The following ASCC3 variants were observed in gnomAD, a reference collection of about 807,000 sequenced individuals.
The protein encoded by ASCC3 is ASC-1 complex subunit P200.
A neutral mutation model predicts 256.3 loss-of-function variants in ASCC3; 158 were observed. The observed-to-expected ratio is 0.62, with a 90% CI of 0.54 to 0.70. ASCC3 has a LOEUF of 0.70. ASCC3 is among the 30% of genes least tolerant of loss of function. The pLI is 0.00. For missense variants in ASCC3, 2,259 were observed against 2,626.0 expected, an observed-to-expected ratio of 0.86 and a Z score of 3.05; for synonymous variants, 948 against 883.4, an observed-to-expected ratio of 1.07 and a Z score of -1.30.
At chr6:100,675,730 C>G (rs1776974363) in intron 14 of ASCC3, among the ~76,000 whole-genome samples, 1 of 152,106 alleles carries the variant, frequency 6.6e-6, no homozygotes, top group Non-Finnish European at 1.5e-5. Context: ...ATCTAAAAGA[C>G]AAACTCTTAA....
intron 30 of ASCC3, among the ~76,000 whole-genome samples, chr6:100,607,322 T>C (rs935377863): frequency 6.6e-6 from 1 of 151,894 alleles, no homozygotes; most frequent in African/African-American, 2.4e-5. Context: ...TTTTTATGCA[T>C]CAAGAAAAAA....
At chr6:100,745,857 CTT>C (rs1262150165) in intron 10 of ASCC3, among the ~76,000 whole-genome samples, 1 of 152,042 alleles carries the variant, frequency 6.6e-6, no homozygotes, top group African/African-American at 2.4e-5. Flanking sequence ...TGTGTCTAGT[CTT>C]TTTCTATCAA....
At chr6:100,854,734 A>G (rs1772855586) in intron 3 of ASCC3, among the ~76,000 whole-genome samples, 1 of 152,182 alleles carries the variant, frequency 6.6e-6, no homozygotes, top group African/African-American at 2.4e-5. Flanking sequence ...TAACTTCCCA[A>G]GCAACCAAAT....
intron 36 of ASCC3, among the ~76,000 whole-genome samples, chr6:100,546,611 C>T (rs576709848): frequency 9.9e-5 from 15 of 152,046 alleles, no homozygotes; most frequent in Non-Finnish European, 1.8e-4. Flanking sequence ...ATGCAACCAA[C>T]ATCATTTAGT....
At chr6:100,624,483 G>A (rs1049329765) in intron 30 of ASCC3, among the ~76,000 whole-genome samples, 45 of 151,868 alleles carry the variant, frequency 3.0e-4, no homozygotes, top group Admixed American at 2.5e-3. Context: ...AAATGAGGAT[G>A]TAGTAAAACT....
chr6:100,709,058 T>C (rs958519013), intron 13 of ASCC3, among the ~76,000 whole-genome samples: 11 of 151,904 alleles, frequency 7.2e-5, no homozygotes, highest in African/African-American at 2.7e-4. Context: ...ATCATAACCT[T>C]ACATAGCACT....
At chr6:100,858,933 T>A in intron 3 of ASCC3, 1 of 594,070 alleles carries the variant, frequency 1.7e-6, no homozygotes, top group Non-Finnish European at 3.0e-6. Flanking sequence ...TAACCTCTTT[T>A]AATCTACAAT....
intron 36 of ASCC3, among the ~76,000 whole-genome samples, chr6:100,562,355 A>G (rs1307282038): frequency 6.6e-6 from 1 of 152,146 alleles, no homozygotes; most frequent in Non-Finnish European, 1.5e-5. Context: ...GGCTTCTATC[A>G]TAAATATTTT....
intron 36 of ASCC3, among the ~76,000 whole-genome samples, chr6:100,578,502 A>G (rs543155478): frequency 3.7e-4 from 56 of 152,198 alleles, no homozygotes; most frequent in African/African-American, 1.3e-3. Flanking sequence ...CCCATTTATA[A>G]GTGAGAATAT....
intron 8 of ASCC3, among the ~76,000 whole-genome samples, chr6:100,774,843 A>C (rs1243523429): frequency 6.6e-6 from 1 of 152,158 alleles, no homozygotes; most frequent in African/African-American, 2.4e-5. Flanking sequence ...CATGTTTAAA[A>C]TTAGATTACA....
rs756992262 is a variant in ASCC3 at position 100,679,569 on chromosome 6, G to A, written c.2286+49C>T. The A allele has an allele frequency of 1.9e-6, 3 of 1,610,142 alleles. No homozygotes were observed. The East Asian group carries it at 6.7e-5, about 36-fold the overall frequency. Reference sequence around the variant, plus strand: ...GATCTTTCACATATAAAATACCCGGGATATGTGGCATGTTACATGCTTTAG... The same window carrying A: ...GATCTTTCACATATAAAATACCCGGAATATGTGGCATGTTACATGCTTTAG... On this transcript the variant is annotated intron_variant, in intron 14 of 41. Coordinates refer to ENST00000369162, the MANE Select transcript of ASCC3 (RefSeq NM_006828.4).
intron 34 of ASCC3, among the ~76,000 whole-genome samples, chr6:100,600,347 C>T (rs1772542057): frequency 6.6e-6 from 1 of 151,998 alleles, no homozygotes; most frequent in Non-Finnish European, 1.5e-5. Context: ...TCCATATATT[C>T]AATATCAAAC....
chr6:100,822,009 G>C (rs1402400426), intron 4 of ASCC3, among the ~76,000 whole-genome samples: 2 of 152,060 alleles, frequency 1.3e-5, no homozygotes, highest in Non-Finnish European at 2.9e-5. Context: ...AAGGGTGGAG[G>C]GGGTAGGGAG....
chr6:100,562,353 T>C (rs573971898), intron 36 of ASCC3, among the ~76,000 whole-genome samples: 40 of 152,258 alleles, frequency 2.6e-4, no homozygotes, highest in African/African-American at 6.7e-4. Context: ...TAGGCTTCTA[T>C]CATAAATATT....
intron 36 of ASCC3, among the ~76,000 whole-genome samples, chr6:100,568,368 GAA>G (rs775239213): frequency 0.019 from 2,345 of 126,332 alleles, 60 homozygotes; most frequent in African/African-American, 0.064. Flanking sequence ...ACTCTTGTCT[GAA>G]AAAAAAAAAA....
chr6:100,809,540 C>A lies in ASCC3; in HGVS notation c.802-3660G>T, dbSNP rs930044329. Among the ~76,000 whole-genome samples, 3 of 152,064 alleles carry A rather than the reference C, an allele frequency of 2.0e-5. No individual in the cohort carries two copies. In the East Asian group the frequency reaches 5.8e-4, roughly 29 times the overall value. On this transcript the variant is annotated intron_variant, in intron 4 of 41. Transcript: ENST00000369162. Reference sequence around the variant, plus strand: ...CGTCACTGACCAAAACATCCTTATGCAGCACATGACTGTACTTGAAGAGTT... The same window carrying A: ...CGTCACTGACCAAAACATCCTTATGAAGCACATGACTGTACTTGAAGAGTT...
At chr6:100,569,655 A>G (rs1167111530) in intron 36 of ASCC3, among the ~76,000 whole-genome samples, 1 of 152,098 alleles carries the variant, frequency 6.6e-6, no homozygotes, top group African/African-American at 2.4e-5. Flanking sequence ...AAATGCTGGG[A>G]TTACAGGCGT....
intron 4 of ASCC3, among the ~76,000 whole-genome samples, chr6:100,831,504 C>G (rs1239822419): frequency 6.6e-6 from 1 of 152,034 alleles, no homozygotes; most frequent in Non-Finnish European, 1.5e-5. Context: ...TGCTGGGTAA[C>G]CTAGATAAAA....
intron 37 of ASCC3, among the ~76,000 whole-genome samples, chr6:100,524,150 C>A (rs1329229070): frequency 6.6e-6 from 1 of 152,068 alleles, no homozygotes; most frequent in Non-Finnish European, 1.5e-5. Context: ...CATATATGTG[C>A]TCATTACACT....
Sources: gnomAD v4.1 joint callset for allele counts (sites outside exome capture counted in the v4.1 genomes callset) on GRCh38, gnomAD v4.1.1 for gene constraint, MANE v1.5 for transcripts, NCBI Gene and HGNC (gene_info 2026-07-23, HGNC 2026-07-21) for gene names.